ACBD6: variants seen among roughly 807,000 people sequenced by gnomAD.
ACBD6 encodes the protein acyl-CoA-binding domain-containing protein 6.
Under a neutral mutation model 37.2 loss-of-function variants are expected in ACBD6, and 28 were observed. The ratio of observed to expected loss-of-function variants is 0.75; its 90% CI spans 0.56 to 1.03. ACBD6 has a LOEUF of 1.03. Among genes scored for constraint, ACBD6 ranks in the 50% least tolerant of loss-of-function variants. The pLI, the probability that ACBD6 is intolerant of heterozygous loss-of-function variation, is 0.00. For synonymous variants in ACBD6, 113 were observed against 126.8 expected (o/e 0.89, Z 0.73); for missense variants, 340 against 337.4 (o/e 1.01, Z -0.06).
intron 7 of ACBD6, among the ~76,000 whole-genome samples, chr1:180,303,683 A>T (rs1028722327): frequency 2.0e-5 from 3 of 151,050 alleles, no homozygotes; most frequent in South Asian, 4.2e-4. Context: ...AGGTACAAGG[A>T]GGAGCTGGTA....
chr1:180,405,320 C>T (rs530024120), intron 5 of ACBD6, among the ~76,000 whole-genome samples: 2 of 152,152 alleles, frequency 1.3e-5, no homozygotes, highest in South Asian at 2.1e-4. Context: ...GAAAAGGAAA[C>T]GAATGGTAGT....
intron 3 of ACBD6, among the ~76,000 whole-genome samples, chr1:180,466,782 T>C (rs547527895): frequency 1.4e-3 from 212 of 152,156 alleles, no homozygotes; most frequent in Non-Finnish European, 2.5e-3. Context: ...TTTCTTAAAG[T>C]TTTCTAGGCT....
At chr1:180,282,423 T>C (rs531142451) in intron 8 of ACBD6, among the ~76,000 whole-genome samples, 1 of 152,240 alleles carries the variant, frequency 6.6e-6, no homozygotes, top group East Asian at 1.9e-4. Flanking sequence ...GAGAGACCAT[T>C]AAAATGGTAA....
At chr1:180,419,142 T>C (rs1484385715) in intron 4 of ACBD6, among the ~76,000 whole-genome samples, 2 of 152,170 alleles carry the variant, frequency 1.3e-5, no homozygotes, top group East Asian at 3.9e-4. Context: ...TCCCAGCTAC[T>C]TGGGAGGCTG....
At chr1:180,442,156 G>A (rs972851517) in intron 3 of ACBD6, among the ~76,000 whole-genome samples, 4 of 152,124 alleles carry the variant, frequency 2.6e-5, no homozygotes, top group African/African-American at 7.2e-5. Flanking sequence ...CATGTTTTCT[G>A]TCTGCTTTTT....
intron 6 of ACBD6, among the ~76,000 whole-genome samples, chr1:180,346,848 TC>T (rs777841327): frequency 1.3e-5 from 2 of 151,882 alleles, no homozygotes; most frequent in African/African-American, 2.4e-5. Context: ...CAAGACCCCA[TC>T]TACAAAAAAT....
At chr1:180,336,321 CA>C (rs1179906606) in intron 6 of ACBD6, among the ~76,000 whole-genome samples, 1 of 147,916 alleles carries the variant, frequency 6.8e-6, no homozygotes, top group Non-Finnish European at 1.5e-5. Context: ...TCTCTCAGAC[CA>C]CAGTGCAATC....
chr1:180,271,311 G>A, exon 14 of ACBD6: 1 of 1,554,514 alleles, frequency 6.4e-7, no homozygotes, highest in East Asian at 2.2e-5. Flanking sequence ...GGATGGAAGG[G>A]AGGGTGTGGG....
chr1:180,468,209 G>C (rs999735194), intron 3 of ACBD6, among the ~76,000 whole-genome samples: 1 of 152,148 alleles, frequency 6.6e-6, no homozygotes, highest in Non-Finnish European at 1.5e-5. Flanking sequence ...GCCTATCCTT[G>C]GGCAAAGTTT....
chr1:180,446,306 C>A (rs189098178), intron 3 of ACBD6, among the ~76,000 whole-genome samples: 64 of 152,108 alleles, frequency 4.2e-4, no homozygotes, highest in Non-Finnish European at 8.5e-4. Flanking sequence ...AGCCACCACA[C>A]CCAGCCTTAA....
intron 6 of ACBD6, among the ~76,000 whole-genome samples, chr1:180,379,332 A>T (rs999505548): frequency 6.6e-6 from 1 of 152,228 alleles, no homozygotes; most frequent in African/African-American, 2.4e-5. Context: ...TAAGGACCTA[A>T]GAAACATGAA....
chr1:180,460,870 G>A (rs1214561696), intron 3 of ACBD6, among the ~76,000 whole-genome samples: 1 of 152,214 alleles, frequency 6.6e-6, no homozygotes, highest in African/African-American at 2.4e-5. Context: ...CGCTGCTCCA[G>A]CAAGGGTTCG....
At chr1:180,465,762 A>C (rs1171292804) in intron 3 of ACBD6, among the ~76,000 whole-genome samples, 1 of 152,166 alleles carries the variant, frequency 6.6e-6, no homozygotes, top group Non-Finnish European at 1.5e-5. Context: ...AATTAACCTA[A>C]ATGCTTATGA....
At chr1:180,389,720 T>C (rs1357987836) in intron 6 of ACBD6, among the ~76,000 whole-genome samples, 1 of 152,232 alleles carries the variant, frequency 6.6e-6, no homozygotes, top group Non-Finnish European at 1.5e-5. Flanking sequence ...GGTATCTCAT[T>C]GTGGTTTTGA....
chr1:180,385,854 C>T (rs1279556726), intron 6 of ACBD6, among the ~76,000 whole-genome samples: 1 of 152,160 alleles, frequency 6.6e-6, no homozygotes, highest in Admixed American at 6.5e-5. Context: ...TAGACTAACA[C>T]ATACACATAG....
chr1:180,495,038 C>T (rs902995137), intron 2 of ACBD6, among the ~76,000 whole-genome samples: 1 of 152,106 alleles, frequency 6.6e-6, no homozygotes, highest in South Asian at 2.1e-4. Flanking sequence ...TAGCAAGAGA[C>T]AGGGAGATAA....
chr1:180,271,558 C>G (rs772600686), exon 14 of ACBD6: 1 of 1,613,474 alleles, frequency 6.2e-7, no homozygotes, highest in South Asian at 1.1e-5. Context: ...ACTCCTGTGC[C>G]CTCCGGGGAT....
intron 6 of ACBD6, among the ~76,000 whole-genome samples, chr1:180,386,759 T>G (rs1489409456): frequency 1.3e-5 from 2 of 152,202 alleles, no homozygotes; most frequent in African/African-American, 4.8e-5. Context: ...AATTTCTATT[T>G]AGTTCCTTTT....
At chr1:180,317,508 A>G (rs1380968165) in intron 6 of ACBD6, among the ~76,000 whole-genome samples, 1 of 152,216 alleles carries the variant, frequency 6.6e-6, no homozygotes, top group Non-Finnish European at 1.5e-5. Context: ...TAAATTCCAA[A>G]TATATTTTAC....
Sources: allele counts gnomAD v4.1 joint callset (sites outside exome capture counted in the v4.1 genomes callset), GRCh38; gene constraint gnomAD v4.1.1; transcripts MANE v1.5; gene names NCBI Gene and HGNC (gene_info 2026-07-23, HGNC 2026-07-21).